MTUS2: variants seen among roughly 807,000 people sequenced by gnomAD.
MTUS2 encodes microtubule associated scaffold protein 2, also known as microtubule-associated tumor suppressor candidate 2.
Under a neutral mutation model 114.1 loss-of-function variants are expected in MTUS2, and 40 were observed. That is an observed-to-expected ratio of 0.35 (90% CI 0.27 to 0.46). MTUS2 has a LOEUF of 0.46. MTUS2 is among the 20% of genes least tolerant of loss of function. MTUS2 has a pLI of 1.00. For synonymous variants in MTUS2, 688 were observed against 672.0 expected (o/e 1.02, Z -0.37); for missense variants, 1,679 against 1,705.4 (o/e 0.98, Z 0.27).
In MTUS2 at chr13:29,208,402, T is replaced by C. The variant is rs550470166; in HGVS notation, c.2645-73302T>C. On this transcript the variant is annotated intron_variant, in intron 5 of 15. Coordinates refer to ENST00000612955, the MANE Select transcript of MTUS2 (RefSeq NM_001033602.4). The stretch of plus-strand genomic sequence containing the variant: ...ACAAGCTTTTTGTTTCTTTTATCTT[T>C]TGTTTATTTTTATCTCAATTTTCTT... Among the ~76,000 whole-genome samples the C allele has an allele frequency of 3.9e-5, 6 of 152,156 alleles. No individual in the cohort carries two copies. In the East Asian group the frequency reaches 1.2e-3, roughly 29 times the overall value.
At chr13:29,011,356 T>A (rs1181615085) in intron 2 of MTUS2, among the ~76,000 whole-genome samples, 1 of 152,208 alleles carries the variant, frequency 6.6e-6, no homozygotes, top group Non-Finnish European at 1.5e-5. Context: ...AGCAAGACAG[T>A]TTTCCCCCCT....
rs1430575388 is a variant in MTUS2 at position 28,962,448 on chromosome 13, A to G, written c.-242-62009A>G. 3.9e-5 allele frequency among the ~76,000 whole-genome samples: 6 copies of G among 152,120 alleles called. No homozygotes were observed. The East Asian group carries it at 1.2e-3, about 29-fold the overall frequency. On this transcript the variant is annotated intron_variant, in intron 2 of 15. Coordinates refer to ENST00000612955, the MANE Select transcript of MTUS2 (RefSeq NM_001033602.4). ...GGTATATTGGCTGTATTCTCTCCTG[A>G]ATTGCAGCCTTCAACCTTTTGCAAG...
At chr13:29,091,063 T>A (rs1311984543) in intron 4 of MTUS2, among the ~76,000 whole-genome samples, 1 of 152,136 alleles carries the variant, frequency 6.6e-6, no homozygotes, top group Non-Finnish European at 1.5e-5. Flanking sequence ...TCAGCAACTT[T>A]GTGCAGGGTT....
chr13:28,835,932 A>C lies in MTUS2; in HGVS notation c.-315-3846A>C, dbSNP rs370409695. Among the ~76,000 whole-genome samples the C allele has an allele frequency of 1.0e-3, 152 of 151,876 alleles. 1 individual carries two copies. Among genetic ancestry groups the C allele is most frequent in the African/African-American group, 3.5e-3 (147 of 41,416 alleles). ...TGTGTTTAGCAGGGCCATGCTGTTCAGCACTGCAGTAGTCTTTGATGCTCT... is the reference window on the plus strand; with the variant it reads ...TGTGTTTAGCAGGGCCATGCTGTTCCGCACTGCAGTAGTCTTTGATGCTCT... On this transcript the variant is annotated intron_variant, in intron 1 of 15. Coordinates refer to ENST00000612955, the MANE Select transcript of MTUS2 (RefSeq NM_001033602.4).
chr13:29,164,744 C>T (rs183894266), intron 5 of MTUS2, among the ~76,000 whole-genome samples: 3 of 151,942 alleles, frequency 2.0e-5, no homozygotes, highest in Admixed American at 1.3e-4. Flanking sequence ...TTTCTGATAC[C>T]ACAAATAATT....
chr13:29,426,364 AT>A, intron 8 of MTUS2, among the ~76,000 whole-genome samples: 1 of 152,324 alleles, frequency 6.6e-6, no homozygotes, highest in Non-Finnish European at 1.5e-5. Context: ...CTTTAGCCCC[AT>A]TGTAAGTCAA....
intron 1 of MTUS2, among the ~76,000 whole-genome samples, chr13:28,823,167 C>T (rs1354754916): frequency 1.3e-5 from 2 of 152,232 alleles, no homozygotes; most frequent in Non-Finnish European, 2.9e-5. Context: ...GAACAGATAG[C>T]ATCAGCTCCA....
intron 15 of MTUS2, among the ~76,000 whole-genome samples, chr13:29,502,414 G>A (rs1486479416): frequency 1.3e-5 from 2 of 152,282 alleles, no homozygotes; most frequent in Non-Finnish European, 2.9e-5. Context: ...GATGCTGGGA[G>A]TTCAGCATGC....
At chr13:29,290,274 T>C (rs1410102630) in intron 6 of MTUS2, among the ~76,000 whole-genome samples, 1 of 152,206 alleles carries the variant, frequency 6.6e-6, no homozygotes, top group Non-Finnish European at 1.5e-5. Context: ...GAAAACAGGC[T>C]GCATCTTGGT....
At chr13:29,102,813 T>C (rs1890476766) in intron 5 of MTUS2, among the ~76,000 whole-genome samples, 1 of 152,232 alleles carries the variant, frequency 6.6e-6, no homozygotes, top group Non-Finnish European at 1.5e-5. Flanking sequence ...TTCTGTTCTT[T>C]AGCGAAGAGA....
At chr13:29,483,725 T>C (rs553905638) in intron 10 of MTUS2, among the ~76,000 whole-genome samples, 1 of 152,334 alleles carries the variant, frequency 6.6e-6, no homozygotes, top group South Asian at 2.1e-4. Context: ...GTATAACTCT[T>C]ATTTTAAAGG....
chr13:29,288,713 A>T (rs1458541826), intron 6 of MTUS2, among the ~76,000 whole-genome samples: 1 of 152,112 alleles, frequency 6.6e-6, no homozygotes, highest in Non-Finnish European at 1.5e-5. Context: ...GCTCCACTTG[A>T]CTTGGGAGAT....
At chr13:28,980,500 A>G (rs756335647) in intron 2 of MTUS2, among the ~76,000 whole-genome samples, 5 of 152,174 alleles carry the variant, frequency 3.3e-5, no homozygotes, top group South Asian at 2.1e-4. Context: ...TTTACATAAA[A>G]ATAGCGTAGT....
intron 5 of MTUS2, among the ~76,000 whole-genome samples, chr13:29,167,565 A>G (rs1431356834): frequency 2.0e-5 from 3 of 146,608 alleles, no homozygotes; most frequent in Non-Finnish European, 3.1e-5. Context: ...GAAGATAATC[A>G]TATTTTTTAA....
At chr13:29,181,116 G>A (rs1893984884) in intron 5 of MTUS2, among the ~76,000 whole-genome samples, 2 of 152,060 alleles carry the variant, frequency 1.3e-5, no homozygotes, top group Admixed American at 6.5e-5. Flanking sequence ...GAGCGTCAGG[G>A]AGAGAGCTGG....
chr13:28,953,240 G>A (rs973359893), intron 2 of MTUS2, among the ~76,000 whole-genome samples: 8 of 151,568 alleles, frequency 5.3e-5, no homozygotes, highest in East Asian at 1.9e-4. Context: ...TGGGCGCAGT[G>A]TCTCATGCCT....
intron 1 of MTUS2, among the ~76,000 whole-genome samples, chr13:28,823,936 C>G (rs1021296862): frequency 1.3e-5 from 2 of 152,132 alleles, no homozygotes; most frequent in African/African-American, 2.4e-5. Context: ...TTCATGAGAA[C>G]TTACTGTCGC....
intron 9 of MTUS2, among the ~76,000 whole-genome samples, chr13:29,454,759 C>T (rs1318681564): frequency 3.9e-5 from 6 of 152,240 alleles, no homozygotes; most frequent in Admixed American, 2.0e-4. Flanking sequence ...CGAGATACCC[C>T]TGAGGAGCTA....
intron 6 of MTUS2, among the ~76,000 whole-genome samples, chr13:29,312,748 C>T (rs1243554339): frequency 1.3e-5 from 2 of 152,152 alleles, no homozygotes; most frequent in Non-Finnish European, 2.9e-5. Flanking sequence ...CATGCAAAGT[C>T]CTGATTCCCC....
Sources: gnomAD v4.1 joint callset for allele counts (sites outside exome capture counted in the v4.1 genomes callset) on GRCh38, gnomAD v4.1.1 for gene constraint, MANE v1.5 for transcripts, NCBI Gene and HGNC (gene_info 2026-07-23, HGNC 2026-07-21) for gene names.